CASK: variants seen among roughly 807,000 people sequenced by gnomAD.
CASK encodes the protein calcium/calmodulin dependent serine protein kinase, also known as peripheral plasma membrane protein CASK.
In CASK, 4 loss-of-function variants were observed where a neutral mutation model predicts 82.9. The observed-to-expected ratio is 0.05, with a 90% confidence interval of 0.02 to 0.11. The LOEUF (loss-of-function observed/expected upper bound fraction) is 0.11, where lower values mean the gene tolerates loss of function less well. Among genes scored for constraint, CASK ranks in the 10% least tolerant of loss-of-function variants. The pLI, the probability that CASK is intolerant of heterozygous loss-of-function variation, is 1.00. For missense variants in CASK, 358 were observed against 720.9 expected (o/e 0.50, Z 5.76); for synonymous variants, 259 against 253.5 (o/e 1.02, Z -0.20).
At position 41,768,737 on chromosome X, in the gene CASK, G is replaced by C. The variant is rs770348305; in HGVS notation, c.278+18441C>G. Among the ~76,000 whole-genome samples the C allele has an allele frequency of 8.1e-5, 9 of 111,701 alleles. No homozygotes were observed. The South Asian group carries it at 3.4e-3, about 42-fold the overall frequency. ...AATCCCTGCACTTTGGGAGGCCAAG[G>C]TGGGAGGACTGCTTGAGCCCAGGAG... is the stretch of plus-strand genomic sequence containing the variant. On this transcript the variant is annotated intron_variant, in intron 3 of 26. Transcript: ENST00000378163.
At chrX:41,888,837 ATG>A (rs1206687914) in intron 1 of CASK, among the ~76,000 whole-genome samples, 1 of 107,101 alleles carries the variant, frequency 9.3e-6, no homozygotes, top group African/African-American at 3.4e-5. Context: ...ATGTATATAT[ATG>A]TGTGTGTGTA....
intron 15 of CASK, among the ~76,000 whole-genome samples, chrX:41,576,471 T>C (rs1415961985): frequency 4.5e-5 from 5 of 111,256 alleles, no homozygotes; most frequent in East Asian, 2.8e-4. Flanking sequence ...TCTCCAGCTC[T>C]GTCATAACTG....
At chrX:41,699,259 A>G (rs1363648954) in intron 5 of CASK, among the ~76,000 whole-genome samples, 1 of 111,959 alleles carries the variant, frequency 8.9e-6, no homozygotes, top group African/African-American at 3.2e-5. Flanking sequence ...CCGCAAATAT[A>G]ATTAACTGAA....
intron 1 of CASK, among the ~76,000 whole-genome samples, chrX:41,869,990 T>C (rs2071675838): frequency 1.8e-5 from 2 of 108,663 alleles, no homozygotes; most frequent in African/African-American, 6.7e-5. Flanking sequence ...GAAACTTAGA[T>C]AAAATAATGA....
In CASK at chrX:41,832,041, A is replaced by T. The variant is rs780590906; in HGVS notation, c.172+21074T>A. 1.5e-4 allele frequency among the ~76,000 whole-genome samples: 17 copies of T among 111,003 alleles called. No individual in the cohort carries two copies. In the East Asian group the frequency reaches 4.2e-3, roughly 27 times the overall value. On this transcript the variant is annotated intron_variant, in intron 2 of 26. Coordinates refer to ENST00000378163, the MANE Select transcript of CASK (RefSeq NM_001367721.1). ...TTTTAAAAAACACGAAACCTAAAAA[A>T]AAAAACACTAAGCTTTAACCCACTT... is the stretch of plus-strand genomic sequence containing the variant.
At chrX:41,541,478 A>T (rs1471897235) in intron 22 of CASK, among the ~76,000 whole-genome samples, 1 of 112,428 alleles carries the variant, frequency 8.9e-6, no homozygotes, top group Admixed American at 9.4e-5. Context: ...TTATGAAACT[A>T]CTGCTCTGTA....
intron 2 of CASK, among the ~76,000 whole-genome samples, chrX:41,834,703 C>T (rs746959682): frequency 1.8e-5 from 2 of 111,826 alleles, no homozygotes; most frequent in South Asian, 7.6e-4. Flanking sequence ...GTTTCTCCCC[C>T]TTGCGATAAT....
At chrX:41,643,261 T>C (rs1427626846) in intron 8 of CASK, among the ~76,000 whole-genome samples, 1 of 111,946 alleles carries the variant, frequency 8.9e-6, no homozygotes, top group Non-Finnish European at 1.9e-5. Flanking sequence ...ATGCGGGCTC[T>C]TTTTTGGGTC....
chrX:41,660,322 A>G, intron 8 of CASK, 117 bp downstream of exon 8: 1 of 617,343 alleles, frequency 1.6e-6, no homozygotes, highest in South Asian at 2.4e-5. Flanking sequence ...AAAAAAACTA[A>G]TGAAAACTGC....
At chrX:41,597,820 T>TC (rs2065841172) in intron 12 of CASK, among the ~76,000 whole-genome samples, 1 of 111,495 alleles carries the variant, frequency 9.0e-6, no homozygotes, top group Non-Finnish European at 1.9e-5. Context: ...TCTAAAAATC[T>TC]ATTTTTCTTG....
chrX:41,528,783 C>T (rs948409359), intron 25 of CASK, among the ~76,000 whole-genome samples: 2 of 112,094 alleles, frequency 1.8e-5, no homozygotes, highest in Non-Finnish European at 1.9e-5. Flanking sequence ...CAGTGAGGCT[C>T]TGCCTGAAAG....
intron 2 of CASK, among the ~76,000 whole-genome samples, chrX:41,823,647 TTATAG>T (rs1479381452): frequency 9.0e-6 from 1 of 111,683 alleles, no homozygotes; most frequent in Non-Finnish European, 1.9e-5. Flanking sequence ...TTTGGCTTCT[TTATAG>T]CATTTGACAA....
intron 5 of CASK, among the ~76,000 whole-genome samples, chrX:41,701,239 A>G (rs1393581812): frequency 8.9e-6 from 1 of 112,177 alleles, no homozygotes; most frequent in Non-Finnish European, 1.9e-5. Flanking sequence ...AAAAGATTAA[A>G]AAATGACTAG....
At chrX:41,919,320 A>C (rs923642689) in intron 1 of CASK, 4 of 111,857 alleles carry the variant, frequency 3.6e-5, no homozygotes, top group Non-Finnish European at 7.5e-5. Context: ...CATCATTCCA[A>C]TTTTAGTGTA....
intron 1 of CASK, among the ~76,000 whole-genome samples, chrX:41,898,777 G>C (rs2072316845): frequency 9.0e-6 from 1 of 111,496 alleles, no homozygotes; most frequent in Admixed American, 9.5e-5. Flanking sequence ...TACCACTGTG[G>C]TCAGAAAAAA....
chrX:41,598,112 C>T (rs1233845145), intron 12 of CASK, among the ~76,000 whole-genome samples: 3 of 107,922 alleles, frequency 2.8e-5, no homozygotes, highest in African/African-American at 6.9e-5. Context: ...GCACTCCAGC[C>T]GGAGTGACAG....
intron 1 of CASK, among the ~76,000 whole-genome samples, chrX:41,889,349 G>A (rs1329859719): frequency 3.6e-5 from 4 of 110,064 alleles, no homozygotes; most frequent in African/African-American, 1.3e-4. Flanking sequence ...ATTCTTGCAG[G>A]AGTGAGGTGG....
chrX:41,778,602 G>T (rs2069411292), intron 3 of CASK, among the ~76,000 whole-genome samples: 1 of 111,661 alleles, frequency 9.0e-6, no homozygotes, highest in Non-Finnish European at 1.9e-5. Context: ...ATTTTCTTCA[G>T]ATTTTATATG....
chrX:41,736,596 C>G (rs2068504872), intron 5 of CASK, among the ~76,000 whole-genome samples: 1 of 112,574 alleles, frequency 8.9e-6, no homozygotes, highest in Admixed American at 9.4e-5. Flanking sequence ...TGTCTCCCAA[C>G]TGAACAATGG....
Sources: allele counts gnomAD v4.1 joint callset (sites outside exome capture counted in the v4.1 genomes callset), GRCh38; gene constraint gnomAD v4.1.1; transcripts MANE v1.5; gene names NCBI Gene and HGNC (gene_info 2026-07-23, HGNC 2026-07-21).